Variants in CNTN4 observed in about 807,000 individuals in gnomAD.
CNTN4 encodes the protein contactin-4.
In CNTN4, 77 loss-of-function variants were observed where a neutral mutation model predicts 122.5. The observed-to-expected ratio is 0.63, with a 90% CI of 0.52 to 0.76. The LOEUF (loss-of-function observed/expected upper bound fraction) is 0.76, where lower values mean the gene tolerates loss of function less well. Ranked by LOEUF, CNTN4 falls within the 30% of genes least tolerant of loss-of-function variation. CNTN4 has a pLI of 0.00. For synonymous variants in CNTN4, 512 were observed against 447.0 expected (o/e 1.15, Z -1.83); for missense variants, 1,256 against 1,259.1 (o/e 1.00, Z 0.04).
intron 2 of CNTN4, among the ~76,000 whole-genome samples, chr3:2,303,827 A>C (rs946515512): frequency 1.3e-5 from 2 of 152,200 alleles, no homozygotes; most frequent in Non-Finnish European, 2.9e-5. Context: ...TCAGAGAGGT[A>C]TAATAAAGCA....
intron 4 of CNTN4, among the ~76,000 whole-genome samples, chr3:2,649,100 G>C (rs1043628406): frequency 6.6e-6 from 1 of 152,202 alleles, no homozygotes; most frequent in East Asian, 1.9e-4. Flanking sequence ...GTTGCTTCAT[G>C]AGATTTAAGG....
Position 2,343,982 on chromosome 3 carries a change from G to T in CNTN4, c.-89+4749G>T, listed in dbSNP as rs563443180. Among the ~76,000 whole-genome samples the T allele has an allele frequency of 3.7e-4, 57 of 152,126 alleles. 1 individual carries two copies. In the South Asian group the frequency reaches 0.011, roughly 30 times the overall value. On this transcript the variant is annotated intron_variant, in intron 3 of 24. Coordinates refer to ENST00000418658, the MANE Select transcript of CNTN4 (RefSeq NM_175607.3). ...GTCAGAGAGGGAGCAAGAGAGAGGC[G>T]AATCTCTTTTAAAAACAAACAGCTC...
chr3:2,662,775 T>C (rs2083962315), intron 4 of CNTN4, among the ~76,000 whole-genome samples: 1 of 151,718 alleles, frequency 6.6e-6, no homozygotes, highest in South Asian at 2.1e-4. Context: ...ATGGCAAGAG[T>C]AGAGACCACC....
intron 3 of CNTN4, among the ~76,000 whole-genome samples, chr3:2,526,837 T>C (rs937723178): frequency 6.6e-6 from 1 of 152,160 alleles, no homozygotes; most frequent in Non-Finnish European, 1.5e-5. Flanking sequence ...GTGGGAATCA[T>C]AGTCTTACAA....
At chr3:2,221,105 G>A (rs975222889) in intron 2 of CNTN4, among the ~76,000 whole-genome samples, 1 of 152,046 alleles carries the variant, frequency 6.6e-6, no homozygotes, top group Non-Finnish European at 1.5e-5. Flanking sequence ...AGAAATTGTG[G>A]AGAGGTATCA....
In CNTN4 at chr3:3,034,716, A is replaced by G; in HGVS notation, c.1868A>G (p.Asn623Ser). 1 of 1,613,938 alleles carries G rather than the reference A, an allele frequency of 6.2e-7. No individual in the cohort carries two copies. The highest frequency in any genetic ancestry group is 8.5e-7 in the Non-Finnish European group (1 of 1,179,942). The change falls in exon 17 of 25, where the codon AAC becomes AGC. Residue 623 changes from asparagine (N) to serine (S), a missense_variant. Physicochemically the swap from Asn to Ser is conservative, Grantham distance 46. Coordinates refer to ENST00000418658, the MANE Select transcript of CNTN4 (RefSeq NM_175607.3). ...CTCTCCTGGAGACCCGGGCCTGACA[A>G]CCACAGCCCCATCACCATGTATGTC... ...AQLSWRPGPD[N>S]HSPITMYVIQ...
chr3:2,803,266 A>G (rs1440299630), intron 6 of CNTN4, among the ~76,000 whole-genome samples: 2 of 152,218 alleles, frequency 1.3e-5, no homozygotes, highest in African/African-American at 4.8e-5. Context: ...GACATAAACT[A>G]AAATAGTAAG....
intron 4 of CNTN4, among the ~76,000 whole-genome samples, chr3:2,605,212 G>A (rs1600356): frequency 0.59 from 89,138 of 152,032 alleles, 27,594 homozygotes; most frequent in East Asian, 0.9. Flanking sequence ...ATGTTGACAA[G>A]GCTGGTTTTG....
intron 6 of CNTN4, among the ~76,000 whole-genome samples, chr3:2,752,868 T>C (rs2090161498): frequency 6.6e-6 from 1 of 152,224 alleles, no homozygotes; most frequent in African/African-American, 2.4e-5. Flanking sequence ...TGAGAATATG[T>C]GGCATTCGTC....
intron 3 of CNTN4, among the ~76,000 whole-genome samples, chr3:2,468,897 C>T (rs116030230): frequency 6.6e-6 from 1 of 152,214 alleles, no homozygotes. Flanking sequence ...AAAGTTTTCC[C>T]AGAAATCCTC....
chr3:2,982,763 A>C (rs1282929120), intron 13 of CNTN4, among the ~76,000 whole-genome samples: 2 of 152,132 alleles, frequency 1.3e-5, no homozygotes, highest in Non-Finnish European at 2.9e-5. Context: ...CAGCTTTCCC[A>C]TTGAAAACAG....
chr3:2,567,664 A>G (rs1456395643), intron 3 of CNTN4, among the ~76,000 whole-genome samples: 2 of 152,212 alleles, frequency 1.3e-5, no homozygotes, highest in Admixed American at 1.3e-4. Context: ...GTCTAGGAAT[A>G]GAGCACAAGT....
intron 2 of CNTN4, among the ~76,000 whole-genome samples, chr3:2,114,026 T>G (rs1166626221): frequency 6.6e-6 from 1 of 152,180 alleles, no homozygotes; most frequent in Non-Finnish European, 1.5e-5. Context: ...TTTTGCTTGG[T>G]GTAAAAAGAA....
intron 2 of CNTN4, among the ~76,000 whole-genome samples, chr3:2,116,456 A>G (rs1311434438): frequency 6.6e-6 from 1 of 152,138 alleles, no homozygotes; most frequent in Non-Finnish European, 1.5e-5. Context: ...ATAAAATTTC[A>G]CAGCCCCACG....
intron 2 of CNTN4, among the ~76,000 whole-genome samples, chr3:2,241,268 T>C (rs2039924259): frequency 6.6e-6 from 1 of 152,220 alleles, no homozygotes; most frequent in African/African-American, 2.4e-5. Flanking sequence ...ATTACTGTAG[T>C]AAATTAATTT....
At chr3:2,747,135 C>T (rs546218225) in intron 6 of CNTN4, among the ~76,000 whole-genome samples, 28 of 151,424 alleles carry the variant, frequency 1.8e-4, no homozygotes, top group South Asian at 6.3e-4. Context: ...TCTGGGCCAG[C>T]GCGGTGGCTC....
At chr3:2,158,088 T>C (rs2035798608) in intron 2 of CNTN4, among the ~76,000 whole-genome samples, 1 of 151,902 alleles carries the variant, frequency 6.6e-6, no homozygotes, top group African/African-American at 2.4e-5. Flanking sequence ...TTCTTTAATT[T>C]TGCATATACT....
At chr3:3,008,755 T>C (rs1262626585) in intron 14 of CNTN4, among the ~76,000 whole-genome samples, 1 of 152,206 alleles carries the variant, frequency 6.6e-6, no homozygotes, top group African/African-American at 2.4e-5. Flanking sequence ...TAGCTATAGC[T>C]TGATGCAAAA....
chr3:2,865,545 C>G (rs1402696394), intron 7 of CNTN4, among the ~76,000 whole-genome samples: 1 of 152,178 alleles, frequency 6.6e-6, no homozygotes. Flanking sequence ...ACCAGAGGCC[C>G]CATTGCATTT....
Sources: allele counts gnomAD v4.1 joint callset (sites outside exome capture counted in the v4.1 genomes callset), GRCh38; gene constraint gnomAD v4.1.1; transcripts MANE v1.5; gene names NCBI Gene and HGNC (gene_info 2026-07-23, HGNC 2026-07-21).